ULK4: variants seen among roughly 807,000 people sequenced by gnomAD.
The protein encoded by ULK4 is inactive serine/threonine-protein kinase ULK4.
ULK4 carries 133 observed loss-of-function variants against 160.6 expected under a neutral mutation model. The observed-to-expected ratio is 0.83, with a 90% CI of 0.72 to 0.96. ULK4 has a LOEUF of 0.96. Among genes scored for constraint, ULK4 ranks in the 40% least tolerant of loss-of-function variants. The pLI, the probability that ULK4 is intolerant of heterozygous loss-of-function variation, is 0.00. For synonymous variants in ULK4, 534 were observed against 539.8 expected (o/e 0.99, Z 0.15); for missense variants, 1,580 against 1,499.5 (o/e 1.05, Z -0.89).
rs373469534 is a variant in ULK4 at position 41,506,791 on chromosome 3, T to A, written c.3227-43538A>T. 2.8e-3 allele frequency among the ~76,000 whole-genome samples: 178 copies of A among 64,356 alleles called. 13 individuals carry two copies. The highest frequency in any genetic ancestry group is 8.9e-3 in the Middle Eastern group (1 of 112). 42.2% of individuals were successfully genotyped at this position (64,356 alleles called of 152,430 possible). A position where few individuals can be genotyped will look rare whatever the true frequency, so the allele number is the denominator to read the frequency against. ...AAATATATATATATATATATATATA[T>A]ATATATATATATATATGAACATGTT... On this transcript the variant is annotated intron_variant, in intron 32 of 36. Transcript: ENST00000301831.
At chr3:41,773,774 A>T (rs546627546) in intron 21 of ULK4, among the ~76,000 whole-genome samples, 2 of 152,308 alleles carry the variant, frequency 1.3e-5, no homozygotes, top group East Asian at 3.9e-4. Flanking sequence ...GTCAATCCTA[A>T]GCCAAAAGAA....
At chr3:41,426,302 G>C (rs1321388975) in intron 34 of ULK4, among the ~76,000 whole-genome samples, 1 of 152,156 alleles carries the variant, frequency 6.6e-6, no homozygotes. Flanking sequence ...CCTACAATGA[G>C]ACTTAGACTC....
intron 21 of ULK4, among the ~76,000 whole-genome samples, chr3:41,762,545 T>C (rs1381374694): frequency 1.3e-5 from 2 of 151,794 alleles, no homozygotes; most frequent in Non-Finnish European, 2.9e-5. Context: ...CAGTTCCACA[T>C]GGCTAGGGAG....
intron 35 of ULK4, among the ~76,000 whole-genome samples, chr3:41,387,594 A>T (rs1453551316): frequency 6.6e-6 from 1 of 152,042 alleles, no homozygotes; most frequent in Non-Finnish European, 1.5e-5. Flanking sequence ...TCATTGTTCA[A>T]TTCACACCTA....
chr3:41,572,292 C>A (rs1316644554), intron 31 of ULK4, among the ~76,000 whole-genome samples: 1 of 152,106 alleles, frequency 6.6e-6, no homozygotes, highest in South Asian at 2.1e-4. Flanking sequence ...CCTGTGGACC[C>A]ACAGTGTTAC....
intron 32 of ULK4, among the ~76,000 whole-genome samples, chr3:41,466,792 A>G (rs1363404378): frequency 6.6e-6 from 1 of 152,166 alleles, no homozygotes; most frequent in East Asian, 1.9e-4. Flanking sequence ...ATGTGTGTGT[A>G]TATGTGCATG....
intron 22 of ULK4, among the ~76,000 whole-genome samples, chr3:41,750,587 T>C (rs187161793): frequency 4.8e-4 from 73 of 152,280 alleles, no homozygotes; most frequent in African/African-American, 1.7e-3. Flanking sequence ...GCAGAGGCCA[T>C]TGTCTTCCAG....
chr3:41,875,553 GC>G (rs1697266073), intron 17 of ULK4, among the ~76,000 whole-genome samples: 1 of 152,202 alleles, frequency 6.6e-6, no homozygotes, highest in Admixed American at 6.5e-5. Flanking sequence ...GATGGCTTAA[GC>G]CCAAGGTAGT....
At chr3:41,935,213 T>TTTATTTA (rs1699731783) in intron 4 of ULK4, among the ~76,000 whole-genome samples, 2 of 852 alleles carry the variant, frequency 2.3e-3, no homozygotes, top group East Asian at 0.071. Context: ...TTATTTATTT[T>TTTATTTA]TTTTTTTTTT....
At chr3:41,513,856 T>C (rs748916890) in intron 32 of ULK4, among the ~76,000 whole-genome samples, 1 of 152,128 alleles carries the variant, frequency 6.6e-6, no homozygotes, top group Non-Finnish European at 1.5e-5. Context: ...ACACACCGGG[T>C]ACAGTGCACA....
chr3:41,921,446 A>AT (rs1478640102), intron 5 of ULK4, among the ~76,000 whole-genome samples: 1 of 151,706 alleles, frequency 6.6e-6, no homozygotes, highest in Non-Finnish European at 1.5e-5. Context: ...CCCGTCTCTC[A>AT]TAAAAAAAAA....
chr3:41,283,758 C>G (rs1343665976), intron 35 of ULK4, among the ~76,000 whole-genome samples: 1 of 151,750 alleles, frequency 6.6e-6, no homozygotes, highest in Non-Finnish European at 1.5e-5. Flanking sequence ...CAAACCTGCA[C>G]GTTTTGCACA....
intron 32 of ULK4, among the ~76,000 whole-genome samples, chr3:41,492,641 T>C (rs527860267): frequency 6.6e-6 from 1 of 151,408 alleles, no homozygotes; most frequent in South Asian, 2.1e-4. Context: ...GCAAATTGGA[T>C]AAAGAGTCAA....
intron 30 of ULK4, among the ~76,000 whole-genome samples, chr3:41,659,164 T>G (rs746280765): frequency 1.3e-5 from 2 of 152,206 alleles, no homozygotes; most frequent in Admixed American, 6.5e-5. Context: ...GATAGAAATG[T>G]AAATTGGTAC....
chr3:41,281,506 C>A (rs1266518741), intron 35 of ULK4, among the ~76,000 whole-genome samples: 1 of 152,182 alleles, frequency 6.6e-6, no homozygotes, highest in East Asian at 1.9e-4. Context: ...ATATGCAAAT[C>A]AATGAACGTA....
At chr3:41,609,199 T>C (rs1472081572) in intron 31 of ULK4, among the ~76,000 whole-genome samples, 3 of 152,192 alleles carry the variant, frequency 2.0e-5, no homozygotes, top group African/African-American at 4.8e-5. Flanking sequence ...TTTCTCTTTA[T>C]TTGGCTGATT....
At chr3:41,625,112 G>A (rs2033438100) in intron 30 of ULK4, among the ~76,000 whole-genome samples, 1 of 152,110 alleles carries the variant, frequency 6.6e-6, no homozygotes, top group Non-Finnish European at 1.5e-5. Flanking sequence ...AATTGTGAGA[G>A]GTGATCAATA....
chr3:41,697,647 G>GT (rs895515529), intron 27 of ULK4, among the ~76,000 whole-genome samples: 21 of 151,986 alleles, frequency 1.4e-4, no homozygotes, highest in African/African-American at 4.6e-4. Flanking sequence ...CCAGTTAATT[G>GT]TTTTTTTAAT....
At chr3:41,439,609 C>T (rs568190060) in intron 34 of ULK4, among the ~76,000 whole-genome samples, 2 of 152,226 alleles carry the variant, frequency 1.3e-5, no homozygotes, top group South Asian at 2.1e-4. Context: ...TTCACTAATA[C>T]CTCACTATTT....
Sources: gnomAD v4.1 joint callset for allele counts (sites outside exome capture counted in the v4.1 genomes callset) on GRCh38, gnomAD v4.1.1 for gene constraint, MANE v1.5 for transcripts, NCBI Gene and HGNC (gene_info 2026-07-23, HGNC 2026-07-21) for gene names.